The following USH2A variants were observed in gnomAD, a reference collection of about 807,000 sequenced individuals.
USH2A encodes the protein usherin, also known as Usher syndrome 2A (autosomal recessive, mild).
Under a neutral mutation model 538.9 loss-of-function variants are expected in USH2A, and 443 were observed. The ratio of observed to expected loss-of-function variants is 0.82; its 90% CI spans 0.76 to 0.89. The LOEUF (loss-of-function observed/expected upper bound fraction) is 0.89, where lower values mean the gene tolerates loss of function less well. Ranked by LOEUF, USH2A falls within the 40% of genes least tolerant of loss-of-function variation. The probability of loss-of-function intolerance (pLI) is 0.00; values close to 1 mark genes in which losing one functional copy is unlikely to be tolerated. For synonymous variants in USH2A, 2,413 were observed against 2,273.5 expected, an observed-to-expected ratio of 1.06 and a Z score of -1.75; for missense variants, 6,633 against 6,324.8, an observed-to-expected ratio of 1.05 and a Z score of -1.65.
chr1:215,808,433 T>C (rs1662564376), intron 49 of USH2A, among the ~76,000 whole-genome samples: 1 of 152,132 alleles, frequency 6.6e-6, no homozygotes, highest in Non-Finnish European at 1.5e-5. Flanking sequence ...GAAATAGTGT[T>C]TTAAAAATAT....
chr1:215,759,615 G>A lies in USH2A; in HGVS notation c.11231+45C>T, dbSNP rs17025373. The A allele has an allele frequency of 0.076, 122,013 of 1,607,716 alleles. 6,970 individuals carry two copies. Among genetic ancestry groups the A allele is most frequent in the East Asian group, 0.33 (14,853 of 44,806 alleles). ...GCATTTCTTATCAACCCAGAGAAAT[G>A]TACAAATCCTGCTGTATGATTGGTA... On this transcript the variant is annotated intron_variant, in intron 57 of 71. Coordinates refer to ENST00000307340, the MANE Select transcript of USH2A (RefSeq NM_206933.4).
intron 48 of USH2A, among the ~76,000 whole-genome samples, chr1:215,815,414 T>C (rs1362855893): frequency 1.3e-5 from 2 of 152,018 alleles, no homozygotes; most frequent in Non-Finnish European, 2.9e-5. Flanking sequence ...TGATTTTTTT[T>C]TTTTTGTAGA....
At chr1:216,046,367 C>CTATA in intron 32 of USH2A, 64 bp downstream of exon 32, 1 of 1,597,738 alleles carries the variant, frequency 6.3e-7, no homozygotes, top group Non-Finnish European at 8.6e-7. Context: ...CGAGAGCCAA[C>CTATA]TATATGTATG....
intron 32 of USH2A, among the ~76,000 whole-genome samples, chr1:216,016,067 A>G (rs1668703290): frequency 6.6e-6 from 1 of 152,070 alleles, no homozygotes; most frequent in Non-Finnish European, 1.5e-5. Flanking sequence ...GCTGGAAACC[A>G]TCATTCTGGG....
intron 46 of USH2A, among the ~76,000 whole-genome samples, chr1:215,841,132 T>G (rs946384141): frequency 6.6e-6 from 1 of 152,174 alleles, no homozygotes; most frequent in Non-Finnish European, 1.5e-5. Context: ...AAGTAATTAA[T>G]AGATTCAATG....
intron 32 of USH2A, among the ~76,000 whole-genome samples, chr1:216,020,888 G>A (rs1484984276): frequency 6.6e-6 from 1 of 152,120 alleles, no homozygotes; most frequent in Non-Finnish European, 1.5e-5. Context: ...ATTTTCTTGA[G>A]TTCTGTGAGT....
intron 41 of USH2A, among the ~76,000 whole-genome samples, chr1:215,883,274 G>A (rs932774666): frequency 6.6e-6 from 1 of 151,872 alleles, no homozygotes; most frequent in Non-Finnish European, 1.5e-5. Context: ...ATTATTAGAA[G>A]GCCTATGCAT....
intron 40 of USH2A, among the ~76,000 whole-genome samples, chr1:215,895,263 T>A (rs1406899363): frequency 6.6e-6 from 1 of 152,182 alleles, no homozygotes; most frequent in Non-Finnish European, 1.5e-5. Flanking sequence ...TTGGGGCACC[T>A]ACTCTATATC....
intron 35 of USH2A, among the ~76,000 whole-genome samples, chr1:215,972,773 C>A (rs995648330): frequency 1.3e-5 from 2 of 152,030 alleles, no homozygotes; most frequent in African/African-American, 2.4e-5. Flanking sequence ...TCTCAGGTAC[C>A]ACTTATAGCT....
chr1:216,171,479 A>T (rs1460872157), intron 21 of USH2A, among the ~76,000 whole-genome samples: 1 of 152,120 alleles, frequency 6.6e-6, no homozygotes, highest in Non-Finnish European at 1.5e-5. Context: ...TTGAGCAAAC[A>T]TATTTTGCAT....
intron 3 of USH2A, among the ~76,000 whole-genome samples, chr1:216,404,021 A>G (rs756940773): frequency 6.6e-6 from 1 of 152,178 alleles, no homozygotes; most frequent in Non-Finnish European, 1.5e-5. Flanking sequence ...CTCCCCAGCC[A>G]TGTGAAACCA....
chr1:216,398,056 CAAAG>C (rs1199293104), intron 3 of USH2A, among the ~76,000 whole-genome samples: 3 of 152,166 alleles, frequency 2.0e-5, no homozygotes, highest in Non-Finnish European at 2.9e-5. Flanking sequence ...GTTCACTTTA[CAAAG>C]AGTTTTCCTT....
chr1:216,392,553 G>C (rs915389878), intron 3 of USH2A, among the ~76,000 whole-genome samples: 1 of 150,090 alleles, frequency 6.7e-6, no homozygotes, highest in Non-Finnish European at 1.5e-5. Flanking sequence ...TCTCACACTA[G>C]GTCTTTCTTA....
intron 60 of USH2A, among the ~76,000 whole-genome samples, chr1:215,737,349 G>T (rs1660183491): frequency 6.6e-6 from 1 of 151,790 alleles, no homozygotes; most frequent in Non-Finnish European, 1.5e-5. Flanking sequence ...GTAATCTTCT[G>T]TACTGTTAAA....
chr1:215,653,986 T>C (rs1309715371), intron 64 of USH2A, among the ~76,000 whole-genome samples: 1 of 152,092 alleles, frequency 6.6e-6, no homozygotes, highest in Non-Finnish European at 1.5e-5. Context: ...GAACAAACAG[T>C]TGTGTATTTT....
intron 61 of USH2A, among the ~76,000 whole-genome samples, 199 bp from the exon 62 acceptor site, chr1:215,680,575 T>A (rs1658194903): frequency 6.6e-6 from 1 of 152,042 alleles, no homozygotes; most frequent in Admixed American, 6.5e-5. Context: ...TATTACCCAA[T>A]GTTGTATGAT....
At chr1:215,771,701 T>C (rs186542474) in intron 55 of USH2A, among the ~76,000 whole-genome samples, 75 of 151,506 alleles carry the variant, frequency 5.0e-4, no homozygotes, top group African/African-American at 1.7e-3. Flanking sequence ...CTGAGTCATG[T>C]TCTGTGCTAA....
chr1:215,846,028 G>C lies in USH2A; in HGVS notation c.8851C>G (p.Gln2951Glu), dbSNP rs201394390. 1.2e-6 allele frequency: 2 copies of C among 1,608,758 alleles called. No homozygotes were observed. The highest frequency in any genetic ancestry group is 2.2e-5 in the East Asian group (1 of 44,596). ...IDVRWAKPTV[Q>E]DLQGEVEYYT... is the part of the protein sequence containing the mutation. ...TATTCAACTTCACCTTGTAGGTCTTGAACAGCTGTCAACAATAAATGCAGG... is the reference window on the plus strand; with the variant it reads ...TATTCAACTTCACCTTGTAGGTCTTCAACAGCTGTCAACAATAAATGCAGG... Residue 2951 changes from glutamine to glutamate, a missense_variant, in exon 45 of 72, where the codon CAA becomes GAA. Physicochemically the swap from Gln to Glu is conservative, Grantham distance 29. Transcript: ENST00000307340.
rs765252898 is a variant in USH2A, at chr1:216,418,499, T to C, written c.651+15A>G. ...TGTGTTTAACCAAATGTTAAATATT[T>C]TTTATTTTACTCACCTGCACACTAA... On this transcript the variant is annotated intron_variant, in intron 3 of 71. Transcript: ENST00000307340. 1.2e-6 allele frequency: 2 copies of C among 1,612,026 alleles called. No individual in the cohort carries two copies. The highest frequency in any genetic ancestry group is 1.7e-6 in the Non-Finnish European group (2 of 1,179,186).
Sources: gnomAD v4.1 joint callset for allele counts (sites outside exome capture counted in the v4.1 genomes callset) on GRCh38, gnomAD v4.1.1 for gene constraint, MANE v1.5 for transcripts, NCBI Gene and HGNC (gene_info 2026-07-23, HGNC 2026-07-21) for gene names.